The following NPHS1 variants were observed in gnomAD, a reference collection of about 807,000 sequenced individuals.
NPHS1 encodes nephrin.
A neutral mutation model predicts 139.7 loss-of-function variants in NPHS1; 107 were observed. The observed-to-expected ratio is 0.77, with a 90% confidence interval of 0.66 to 0.90. NPHS1 has a LOEUF of 0.90. NPHS1 is among the 40% of genes least tolerant of loss of function. NPHS1 has a pLI of 0.00. For synonymous variants in NPHS1, 707 were observed against 706.6 expected (o/e 1.00, Z -0.01); for missense variants, 1,580 against 1,654.2 (o/e 0.96, Z 0.78).
intron 3 of NPHS1, 48 bp downstream of exon 3, chr19:35,851,213 GA>G: frequency 1.2e-6 from 2 of 1,613,468 alleles, no homozygotes; most frequent in Non-Finnish European, 1.7e-6. Flanking sequence ...CGGGGTAGGG[GA>G]GGGCTTGAAG....
Position 35,842,271 on chromosome 19 carries a change from T to A in NPHS1, c.2516A>T (p.Gln839Leu), listed in dbSNP as rs1442536181. The change falls in exon 19 of 29, where the codon CAG becomes CTG. Residue 839 changes from glutamine (Q) to leucine (L), a missense_variant. Coordinates refer to ENST00000378910, the MANE Select transcript of NPHS1 (RefSeq NM_004646.4). The stretch of plus-strand genomic sequence containing the variant: ...AGTTAGGGGAGTGGGGTGCTCCACC[T>A]GGGGGGCAACTGGGAGGGGATGGGC... ...LLRLVVRFAP[Q>L]VEHPTPLTKV... 20 of 1,612,470 alleles carry A rather than the reference T, an allele frequency of 1.2e-5. No homozygotes were observed. Among genetic ancestry groups the A allele is most frequent in the Non-Finnish European group, 1.7e-5 (20 of 1,179,944 alleles).
At position 35,849,597 on chromosome 19, in the gene NPHS1, G is replaced by C; in HGVS notation, c.665C>G (p.Pro222Arg). The C allele has an allele frequency of 6.2e-7, 1 of 1,614,110 alleles. No homozygotes were observed. Among genetic ancestry groups the C allele is most frequent in the Non-Finnish European group, 8.5e-7 (1 of 1,179,998 alleles). Reference sequence around the variant, plus strand: ...GGCCTTGATGGGGGCCTCCAGTGCTGGGCTAGACGCCTCACAGACCAGCAA... The same window carrying C: ...GGCCTTGATGGGGGCCTCCAGTGCTCGGCTAGACGCCTCACAGACCAGCAA... ...RQLLVCEASS[P>R]ALEAPIKASF... Residue 222 changes from proline to arginine, a missense_variant, in exon 6 of 29, where the codon CCA (proline) becomes CGA (arginine). Pro to Arg is a moderately radical substitution (Grantham distance 103). Transcript: ENST00000378910.
At chr19:35,844,885 G>C (rs1040522901) in intron 14 of NPHS1, among the ~76,000 whole-genome samples, 4 of 152,206 alleles carry the variant, frequency 2.6e-5, no homozygotes, top group Admixed American at 2.6e-4. Flanking sequence ...AGCACTTTGG[G>C]AGGCCAAGGC....
Position 35,846,006 on chromosome 19 carries a change from A to G in NPHS1, c.1627+2T>C. On this transcript the variant is annotated splice_donor_variant, in intron 12 of 28. Transcript: ENST00000378910. LOFTEE classifies it high-confidence loss of function. ...CCGGGCCTCAGCAGTGCGAGCCCTC[A>G]CACTGCACCGCCAGCTGCGTGGACG... 1 of 1,570,418 alleles carries G rather than the reference A, an allele frequency of 6.4e-7. No homozygotes were observed. The highest frequency in any genetic ancestry group is 8.6e-7 in the Non-Finnish European group (1 of 1,158,496).
At chr19:35,834,044 C>T (rs551230141) in intron 23 of NPHS1, among the ~76,000 whole-genome samples, 3 of 151,372 alleles carry the variant, frequency 2.0e-5, no homozygotes, top group Admixed American at 6.6e-5. Flanking sequence ...GCATTTCTGT[C>T]ACTTGCAACC....
intron 25 of NPHS1, 51 bp downstream of exon 25, chr19:35,831,425 T>G (rs1247484362): frequency 3.7e-6 from 6 of 1,611,070 alleles, no homozygotes; most frequent in Non-Finnish European, 2.5e-6. Context: ...GCCACCAGTC[T>G]CCCCCAAACC....
chr19:35,847,350 T>TTC (rs1973158609), intron 11 of NPHS1, among the ~76,000 whole-genome samples: 1 of 124,396 alleles, frequency 8.0e-6, no homozygotes, highest in African/African-American at 3.7e-5. Context: ...CAGCCTTTTT[T>TTC]TTTTTTTTTT....
chr19:35,843,951 G>T, intron 16 of NPHS1, 152 bp downstream of exon 16: 1 of 1,073,990 alleles, frequency 9.3e-7, no homozygotes, highest in African/African-American at 1.6e-5. Flanking sequence ...GTTCCGCAGT[G>T]GGCGTGGTTA....
chr19:35,842,492 G>A lies in NPHS1; in HGVS notation c.2393C>T (p.Thr798Met), dbSNP rs531280218. Residue 798 changes from threonine to methionine, a missense_variant, in exon 18 of 29, where the codon ACG becomes ATG. By Grantham distance (81) the Thr-to-Met change is moderately conservative (BLOSUM62 -1). Transcript: ENST00000378910. ...DDMEKISRGP[T>M]GRLRIHHAKL... ...GGCATGGTGAATCCGCAGGCGCCCC[G>A]TTGGTCCCCTGGATATCTTCTCCAT... 1.5e-5 allele frequency: 25 copies of A among 1,614,116 alleles called. No individual in the cohort carries two copies. Among genetic ancestry groups the A allele is most frequent in the Admixed American group, 3.3e-5 (2 of 60,012 alleles).
chr19:35,845,965 C>T lies in NPHS1; in HGVS notation c.1627+43G>A, dbSNP rs1246638166. On this transcript the variant is annotated intron_variant, in intron 12 of 28. Transcript: ENST00000378910. This position sits in a 1 kb window ranked among gnomAD's most constrained non-coding sequence, Gnocchi z 5.5. The stretch of plus-strand genomic sequence containing the variant: ...GGGTCCCTGCCCCACCTGGCTCTGT[C>T]CCTCCCGCCCCGCCCCCGGGCCTCA... 21 of 1,069,848 alleles carry T rather than the reference C, an allele frequency of 2.0e-5. No homozygotes were observed. The highest frequency in any genetic ancestry group is 2.5e-4 in the Middle Eastern group (1 of 3,998). The allele number at this position is 1,069,848 out of a possible 1,614,324, so 66.3% of individuals were successfully genotyped here.
intron 28 of NPHS1, among the ~76,000 whole-genome samples, chr19:35,830,096 G>T (rs185150885): frequency 1.3e-5 from 2 of 152,270 alleles, no homozygotes. Flanking sequence ...AGTAGATATG[G>T]CTAATTATCT....
chr19:35,848,395 T>C lies in NPHS1; in HGVS notation c.1173A>G (p.Gly391=). The C allele has an allele frequency of 6.2e-7, 1 of 1,614,080 alleles. No homozygotes were observed. The highest frequency in any genetic ancestry group is 8.5e-7 in the Non-Finnish European group (1 of 1,180,014). The change falls in exon 10 of 29, where the codon GGA becomes GGG. Residue 391 remains glycine (G), a splice_region_variant and synonymous_variant. Coordinates refer to ENST00000378910, the MANE Select transcript of NPHS1 (RefSeq NM_004646.4). ...ACATGGAGATGTGACCGCCATGCAG[T>C]CCCTGGCAGGGAGTGAGCTTCAGAC... The part of the protein sequence containing the change: ...LLPMEETVMD[G]LHGGHISMSN...
chr19:35,828,850 A>G (rs1972835162), intron 28 of NPHS1, among the ~76,000 whole-genome samples: 1 of 152,218 alleles, frequency 6.6e-6, no homozygotes, highest in Non-Finnish European at 1.5e-5. Flanking sequence ...GAGAGTGCAT[A>G]TGGTCCAGCA....
At chr19:35,839,678 C>G in intron 20 of NPHS1, 71 bp from the exon 21 acceptor site, 4 of 1,244,376 alleles carry the variant, frequency 3.2e-6, no homozygotes, top group Middle Eastern at 1.9e-4. Flanking sequence ...CCAGGTTTTC[C>G]CTAGGAATGA....
At chr19:35,835,983 T>C (rs1290018624) in intron 22 of NPHS1, among the ~76,000 whole-genome samples, 1 of 66,284 alleles carries the variant, frequency 1.5e-5, no homozygotes, top group Non-Finnish European at 3.2e-5. Flanking sequence ...TTTTTGAGAC[T>C]GAACCTCTCT....
Position 35,850,451 on chromosome 19 carries a change from GGCA to G in NPHS1, c.527-9_527-7del. 1 of 1,613,492 alleles carries G rather than the reference GGCA, an allele frequency of 6.2e-7. No homozygotes were observed. Among genetic ancestry groups the G allele is most frequent in the Non-Finnish European group, 8.5e-7 (1 of 1,179,472 alleles). On this transcript the variant is annotated splice_region_variant and splice_polypyrimidine_tract_variant and intron_variant, in intron 4 of 28. Transcript: ENST00000378910. ...GTCAGATATTGTCTGTCCACCTTGGGGCAGCAAGAGGGCTAGAGGGGTTCCAGG... is the reference window on the plus strand; with the variant it reads ...GTCAGATATTGTCTGTCCACCTTGGGGCAAGAGGGCTAGAGGGGTTCCAGG...
rs766213917 is a variant in NPHS1 at position 35,844,440 on chromosome 19, C to T, written c.1950G>A (p.Gly650=). 2 of 1,590,054 alleles carry T rather than the reference C, an allele frequency of 1.3e-6. No individual in the cohort carries two copies. The highest frequency in any genetic ancestry group is 1.1e-5 in the South Asian group (1 of 88,094). ...CCGCGGTCACCACCAGCACCTGCTCCCCCAGGAACTCTGGACGGTCTTCAG... is the reference window on the plus strand; with the variant it reads ...CCGCGGTCACCACCAGCACCTGCTCTCCCAGGAACTCTGGACGGTCTTCAG... ...LNVLYRPEFL[G]EQVLVVTAVE... Residue 650 remains glycine (G), a synonymous_variant, in exon 15 of 29, where the codon GGG becomes GGA. Transcript: ENST00000378910.
chr19:35,829,272 C>A (rs1011768761), intron 28 of NPHS1, among the ~76,000 whole-genome samples: 1 of 152,200 alleles, frequency 6.6e-6, no homozygotes, highest in Non-Finnish European at 1.5e-5. Flanking sequence ...CAAGCTAGAC[C>A]AATTAAGTGT....
intron 1 of NPHS1, 23 bp downstream of exon 1, chr19:35,851,757 T>A (rs760999427): frequency 6.4e-7 from 1 of 1,555,328 alleles, no homozygotes; most frequent in African/African-American, 1.4e-5. Flanking sequence ...TGGCGCTGGG[T>A]ACAAGGCTGG....
Sources: allele counts gnomAD v4.1 joint callset (sites outside exome capture counted in the v4.1 genomes callset), GRCh38; gene constraint gnomAD v4.1.1; non-coding constraint Gnocchi (gnomAD v3.1); transcripts MANE v1.5; gene names NCBI Gene and HGNC (gene_info 2026-07-23, HGNC 2026-07-21).